RASAL1: variants seen among roughly 807,000 people sequenced by gnomAD.
RASAL1 encodes the protein rasGAP-activating-like protein 1.
A neutral mutation model predicts 96.6 loss-of-function variants in RASAL1; 72 were observed. The ratio of observed to expected loss-of-function variants is 0.75; its 90% CI spans 0.62 to 0.91. The LOEUF (loss-of-function observed/expected upper bound fraction) is 0.91. Ranked by LOEUF, RASAL1 falls within the 40% of genes least tolerant of loss-of-function variation. The pLI, the probability that RASAL1 is intolerant of heterozygous loss-of-function variation, is 0.00. For missense variants in RASAL1, 1,016 were observed against 1,072.5 expected, an observed-to-expected ratio of 0.95 and a Z score of 0.74; for synonymous variants, 405 against 430.4, an observed-to-expected ratio of 0.94 and a Z score of 0.73.
At chr12:113,127,089 A>G (rs541484324) in intron 4 of RASAL1, among the ~76,000 whole-genome samples, 1 of 151,812 alleles carries the variant, frequency 6.6e-6, no homozygotes, top group South Asian at 2.1e-4. Flanking sequence ...GGGTCTCCCT[A>G]TGTTGTCCAG....
At chr12:113,132,059 C>T (rs1430528560) in intron 1 of RASAL1, among the ~76,000 whole-genome samples, 1 of 150,416 alleles carries the variant, frequency 6.6e-6, no homozygotes, top group Non-Finnish European at 1.5e-5. Context: ...GCAATCTCTG[C>T]CTCCCAAGTT....
chr12:113,116,903 G>T (rs1278145654), intron 8 of RASAL1, among the ~76,000 whole-genome samples, 170 bp downstream of exon 8: 1 of 152,254 alleles, frequency 6.6e-6, no homozygotes, highest in Non-Finnish European at 1.5e-5. Context: ...GTGAACTTAT[G>T]TGGATTTATG....
intron 7 of RASAL1, among the ~76,000 whole-genome samples, chr12:113,117,538 C>T (rs893068993): frequency 2.6e-5 from 4 of 152,290 alleles, no homozygotes; most frequent in Non-Finnish European, 1.5e-5. Flanking sequence ...GACCCAAGCC[C>T]CACACTCTCT....
In RASAL1 at chr12:113,127,720, G is replaced by A. The variant is rs1009626129; in HGVS notation, c.298+92C>T. ...CAAGAGAAATAAGTTTCCACTGAAG[G>A]CTCTGTGCTTCACCGTGCCATGTGC... is the stretch of plus-strand genomic sequence containing the variant. On this transcript the variant is annotated intron_variant, in intron 4 of 20. Transcript: ENST00000548055. The A allele has an allele frequency of 2.2e-5, 23 of 1,048,332 alleles. No individual in the cohort carries two copies. The African/African-American group carries it at 3.7e-4, about 17-fold the overall frequency. 64.9% of individuals were successfully genotyped at this position (1,048,332 alleles called of 1,614,324 possible).
intron 20 of RASAL1, 50 bp from the exon 21 acceptor site, chr12:113,100,118 T>A: frequency 6.6e-7 from 1 of 1,521,898 alleles, no homozygotes; most frequent in Non-Finnish European, 8.9e-7. Context: ...CAGGGCAGGC[T>A]GCTGTAACCC....
chr12:113,124,761 C>A (rs971433327), intron 4 of RASAL1, among the ~76,000 whole-genome samples: 2 of 152,150 alleles, frequency 1.3e-5, no homozygotes, highest in Non-Finnish European at 2.9e-5. Flanking sequence ...ATATAGTAGG[C>A]CCTCATGAAA....
chr12:113,122,786 T>C (rs1951345177), intron 4 of RASAL1, among the ~76,000 whole-genome samples: 1 of 152,396 alleles, frequency 6.6e-6, no homozygotes, highest in Middle Eastern at 3.4e-3. Flanking sequence ...TTCTAGATGA[T>C]TGATTTTTTA....
rs756876941 is a variant in RASAL1 at position 113,115,627 on chromosome 12, C to A, written c.1003+8G>T. On this transcript the variant is annotated splice_region_variant and intron_variant, in intron 10 of 20. Coordinates refer to ENST00000548055, the MANE Select transcript of RASAL1 (RefSeq NM_001301202.2). This position sits in a 1 kb window ranked among gnomAD's most constrained non-coding sequence, Gnocchi z 4.1. ...GCGGTGATGTCGGGGGTTGTGCGGG[C>A]AACTCACTGGTCCGAGCCACCTCAC... 1 of 1,612,050 alleles carries A rather than the reference C, an allele frequency of 6.2e-7. No homozygotes were observed. Among genetic ancestry groups the A allele is most frequent in the Non-Finnish European group, 8.5e-7 (1 of 1,179,544 alleles).
chr12:113,107,424 A>T (rs1419686966), intron 14 of RASAL1, 183 bp from the exon 15 acceptor site: 1 of 741,330 alleles, frequency 1.3e-6, no homozygotes, highest in Non-Finnish European at 2.2e-6. Context: ...GGAGCTTGTG[A>T]CGAGCCTGGC....
intron 8 of RASAL1, 136 bp from the exon 9 acceptor site, chr12:113,116,187 T>C: frequency 1.7e-6 from 1 of 597,176 alleles, no homozygotes; most frequent in Non-Finnish European, 2.8e-6. Flanking sequence ...CTGACCAACA[T>C]GGTGAAGCCC....
intron 12 of RASAL1, among the ~76,000 whole-genome samples, chr12:113,113,430 G>A (rs1345533032): frequency 6.6e-6 from 1 of 152,100 alleles, no homozygotes; most frequent in Non-Finnish European, 1.5e-5. Context: ...CCCTGTCCAG[G>A]TCCCTACATG....
chr12:113,135,300 C>T lies in RASAL1; in HGVS notation c.65+98G>A. The T allele has an allele frequency of 2.6e-6, 3 of 1,162,386 alleles. No individual in the cohort carries two copies. Among genetic ancestry groups the T allele is most frequent in the Non-Finnish European group, 1.2e-6 (1 of 808,092 alleles). The allele number at this position is 1,162,386 out of a possible 1,614,324, so 72.0% of individuals were successfully genotyped here. A position where few individuals can be genotyped will look rare whatever the true frequency, so the allele number is the denominator to read the frequency against. ...ACCAGTCTTGGACAAGAACCCCTCG[C>T]CCTCCTGCCAACCCGCCCTGGCACG... On this transcript the variant is annotated intron_variant, in intron 1 of 20. Coordinates refer to ENST00000548055, the MANE Select transcript of RASAL1 (RefSeq NM_001301202.2). This position sits in a 1 kb window ranked among gnomAD's most constrained non-coding sequence, Gnocchi z 5.7.
chr12:113,132,059 C>A (rs1430528560), intron 1 of RASAL1, among the ~76,000 whole-genome samples: 1 of 150,416 alleles, frequency 6.6e-6, no homozygotes, highest in Admixed American at 6.6e-5. Flanking sequence ...GCAATCTCTG[C>A]CTCCCAAGTT....
chr12:113,131,025 A>G, intron 1 of RASAL1, 84 bp from the exon 2 acceptor site: 1 of 1,025,508 alleles, frequency 9.8e-7, no homozygotes, highest in East Asian at 2.4e-5. Context: ...CAGGCAGGGG[A>G]GTCGGAGGCA....
intron 15 of RASAL1, 131 bp downstream of exon 15, chr12:113,106,966 G>T: frequency 9.4e-7 from 1 of 1,068,410 alleles, no homozygotes. Context: ...GTAAGTATCA[G>T]GAAATGTTAG....
At chr12:113,114,590 C>A (rs140062325) in intron 12 of RASAL1, among the ~76,000 whole-genome samples, 2 of 152,192 alleles carry the variant, frequency 1.3e-5, no homozygotes, top group Admixed American at 6.5e-5. Flanking sequence ...GAACCCAGGG[C>A]GCTTAGCATC....
intron 13 of RASAL1, among the ~76,000 whole-genome samples, chr12:113,108,672 G>A (rs117363714): frequency 3.3e-5 from 5 of 152,154 alleles, no homozygotes; most frequent in East Asian, 1.9e-4. Flanking sequence ...CTATACATTC[G>A]CTTATTTAAT....
chr12:113,121,435 G>A (rs1951290384), intron 5 of RASAL1, 74 bp downstream of exon 5: 1 of 1,588,464 alleles, frequency 6.3e-7, no homozygotes, highest in Non-Finnish European at 8.6e-7. Context: ...CCAAACGCCA[G>A]GCAGCAGGGG....
chr12:113,129,954 CAG>C lies in RASAL1; in HGVS notation c.122+929_122+930del, dbSNP rs1951639266. On this transcript the variant is annotated intron_variant, in intron 2 of 20. Transcript: ENST00000548055. The surrounding 1 kb of genome is among the most constrained non-coding windows in gnomAD (Gnocchi z 5.0). The stretch of plus-strand genomic sequence containing the variant: ...TCAATCTGTGGGTTTGGGGTGGTGT[CAG>C]GGAATGTATCAAGGGGCCAGCATGA... Among the ~76,000 whole-genome samples, 1 of 152,156 alleles carries C rather than the reference CAG, an allele frequency of 6.6e-6. No individual in the cohort carries two copies. The highest frequency in any genetic ancestry group is 1.5e-5 in the Non-Finnish European group (1 of 68,020).
Sources: gnomAD v4.1 joint callset for allele counts (sites outside exome capture counted in the v4.1 genomes callset) on GRCh38, gnomAD v4.1.1 for gene constraint, Gnocchi (gnomAD v3.1) non-coding constraint, MANE v1.5 for transcripts, NCBI Gene and HGNC (gene_info 2026-07-23, HGNC 2026-07-21) for gene names.